The following SPTBN1 variants were observed in gnomAD, a reference collection of about 807,000 sequenced individuals.
SPTBN1 encodes the protein spectrin beta chain, non-erythrocytic 1.
In SPTBN1, 32 loss-of-function variants were observed where a neutral mutation model predicts 266.4. The ratio of observed to expected loss-of-function variants is 0.12; its 90% CI spans 0.09 to 0.16. The LOEUF is 0.16. Among genes scored for constraint, SPTBN1 ranks in the 10% least tolerant of loss-of-function variants. SPTBN1 has a pLI of 1.00. For missense variants in SPTBN1, 2,296 were observed against 3,067.1 expected, an observed-to-expected ratio of 0.75 and a Z score of 5.94; for synonymous variants, 1,336 against 1,162.2, an observed-to-expected ratio of 1.15 and a Z score of -3.04.
rs756549162 is a variant in SPTBN1, at chr2:54,623,574, A to C, written c.1160A>C (p.Lys387Thr). 6.2e-7 allele frequency: 1 copy of C among 1,614,048 alleles called. No homozygotes were observed. Among genetic ancestry groups the C allele is most frequent in the Non-Finnish European group, 8.5e-7 (1 of 1,179,952 alleles). ...NQKVYMPREG[K>T]LISDINKAWE... ...AAGGTCTACATGCCCCGGGAGGGGAAGCTCATCTCTGACATCAACAAGGTA... is the reference window on the plus strand; with the variant it reads ...AAGGTCTACATGCCCCGGGAGGGGACGCTCATCTCTGACATCAACAAGGTA... The change falls in exon 10 of 36, where the codon AAG (lysine) becomes ACG (threonine). Residue 387 changes from lysine (K) to threonine (T), a missense_variant. Physicochemically the swap from Lys to Thr is moderately conservative, Grantham distance 78. Around this residue, in one of 12 missense-constraint regions of SPTBN1, gnomAD observed 148 missense variants for 203.8 expected, o/e 0.73. Transcript: ENST00000356805.
At position 54,641,084 on chromosome 2, in the gene SPTBN1, G is replaced by A. The variant is rs541154848; in HGVS notation, c.3859-1899G>A. ...TCCTTATCTTTTTCCAGTCTGCACAGTGTTCTTTTCTGCAGAGAATGAGTA... is the reference window on the plus strand; with the variant it reads ...TCCTTATCTTTTTCCAGTCTGCACAATGTTCTTTTCTGCAGAGAATGAGTA... On this transcript the variant is annotated intron_variant, in intron 18 of 35. Transcript: ENST00000356805. Among the ~76,000 whole-genome samples, 3 of 152,318 alleles carry A rather than the reference G, an allele frequency of 2.0e-5. No individual in the cohort carries two copies. The East Asian group carries it at 5.8e-4, about 29-fold the overall frequency.
intron 2 of SPTBN1, among the ~76,000 whole-genome samples, chr2:54,556,997 GA>G (rs917673030): frequency 1.3e-5 from 2 of 152,194 alleles, no homozygotes; most frequent in Non-Finnish European, 2.9e-5. Context: ...TCAGCATTGT[GA>G]ATTGGCAGCA....
chr2:54,522,547 C>T (rs941623450), intron 1 of SPTBN1, among the ~76,000 whole-genome samples: 14 of 151,432 alleles, frequency 9.2e-5, no homozygotes, highest in Admixed American at 2.0e-4. Flanking sequence ...AGGAGAATTG[C>T]TTGAACCTGG....
chr2:54,618,017 C>T lies in SPTBN1; in HGVS notation c.648-61C>T. 4 of 1,322,550 alleles carry T rather than the reference C, an allele frequency of 3.0e-6. 1 individual carries two copies. The highest frequency in any genetic ancestry group is 2.5e-5 in the South Asian group (2 of 80,030). The allele number at this position is 1,322,550 out of a possible 1,614,324, so 81.9% of individuals were successfully genotyped here. Reference sequence around the variant, plus strand: ...CCTTTTTGGAGTAACAGTCATGTTTCATTAGTCATATTTCTTTTCAAGCCA... The same window carrying T: ...CCTTTTTGGAGTAACAGTCATGTTTTATTAGTCATATTTCTTTTCAAGCCA... On this transcript the variant is annotated intron_variant, in intron 6 of 35. Transcript: ENST00000356805.
intron 1 of SPTBN1, among the ~76,000 whole-genome samples, chr2:54,499,482 TTTGCGTGTTGA>T (rs2104100037): frequency 6.6e-6 from 1 of 152,330 alleles, no homozygotes; most frequent in Admixed American, 6.5e-5. Context: ...TGACTGGTTG[TTTGCGTGTTGA>T]TTTGCTTTCA....
intron 2 of SPTBN1, among the ~76,000 whole-genome samples, chr2:54,569,936 T>C (rs1474794808): frequency 6.6e-6 from 1 of 151,828 alleles, no homozygotes; most frequent in Non-Finnish European, 1.5e-5. Context: ...GGGAGAGTGT[T>C]TAGTTTGCCT....
chr2:54,457,157 C>A (rs1487352149), intron 1 of SPTBN1: 1 of 130,476 alleles, frequency 7.7e-6, no homozygotes, highest in Non-Finnish European at 1.7e-5. Context: ...GCGCCCGCCC[C>A]CCCCCCGCCC....
Position 54,543,369 on chromosome 2 carries a change from T to G in SPTBN1, c.148+16803T>G, listed in dbSNP as rs548312996. On this transcript the variant is annotated intron_variant, in intron 2 of 35. Transcript: ENST00000356805. ...AAATAAATCTTTTGAAGGGAGGGCT[T>G]CTATTTCCTCCCTGCAAAAAGGCCT... 5.3e-5 allele frequency among the ~76,000 whole-genome samples: 8 copies of G among 152,298 alleles called. No individual in the cohort carries two copies. The South Asian group carries it at 1.7e-3, about 32-fold the overall frequency.
chr2:54,639,963 C>T (rs1679418407), intron 18 of SPTBN1, among the ~76,000 whole-genome samples: 1 of 152,128 alleles, frequency 6.6e-6, no homozygotes, highest in East Asian at 1.9e-4. Flanking sequence ...CCTTGAGCCA[C>T]ATTAGAAGTT....
intron 1 of SPTBN1, among the ~76,000 whole-genome samples, chr2:54,458,034 C>G (rs766689367): frequency 2.0e-5 from 3 of 152,210 alleles, no homozygotes; most frequent in Non-Finnish European, 4.4e-5. Context: ...TGGGGAGTCG[C>G]AGCGTTTTTC....
chr2:54,640,050 T>G (rs933740663), intron 18 of SPTBN1, among the ~76,000 whole-genome samples: 5 of 152,156 alleles, frequency 3.3e-5, no homozygotes, highest in Non-Finnish European at 7.3e-5. Context: ...TTGGTGGAAT[T>G]TAGGTCAAGC....
chr2:54,493,433 C>CT (rs1219578426), intron 1 of SPTBN1, among the ~76,000 whole-genome samples: 1 of 148,638 alleles, frequency 6.7e-6, no homozygotes, highest in Non-Finnish European at 1.5e-5. Context: ...GGGAGACAGT[C>CT]TAACTCTTGT....
chr2:54,519,061 C>T (rs1472116296), intron 1 of SPTBN1, among the ~76,000 whole-genome samples: 3 of 152,198 alleles, frequency 2.0e-5, no homozygotes, highest in Admixed American at 6.5e-5. Flanking sequence ...CCAGATCTAT[C>T]TAAATCAGAG....
At chr2:54,606,846 G>A (rs2103753062) in intron 3 of SPTBN1, among the ~76,000 whole-genome samples, 2 of 152,324 alleles carry the variant, frequency 1.3e-5, no homozygotes, top group East Asian at 1.9e-4. Context: ...GCTGACGGGT[G>A]TACCGTGGAG....
At chr2:54,610,342 T>C (rs1224284155) in intron 3 of SPTBN1, among the ~76,000 whole-genome samples, 2 of 152,222 alleles carry the variant, frequency 1.3e-5, no homozygotes, top group African/African-American at 2.4e-5. Flanking sequence ...TGACTTCATT[T>C]TTTCTCAAAT....
In SPTBN1 at chr2:54,646,220, C is replaced by T. The variant is rs755495573; in HGVS notation, c.4611C>T (p.His1537=). Residue 1537 remains histidine (H), a synonymous_variant, in exon 23 of 36, where the codon CAC becomes CAT. Transcript: ENST00000356805. The surrounding 1 kb of genome is among the most constrained non-coding windows in gnomAD (Gnocchi z 4.4). ...CCCTCCAGAAAGAAATCCAGGGGCA[C>T]CAGCCTCGCATTGACGACATCTTTG... is the stretch of plus-strand genomic sequence containing the variant. The part of the protein sequence containing the change: ...NQTLQKEIQG[H]QPRIDDIFER... 1 of 1,611,658 alleles carries T rather than the reference C, an allele frequency of 6.2e-7. No homozygotes were observed. Among genetic ancestry groups the T allele is most frequent in the South Asian group, 1.1e-5 (1 of 90,866 alleles).
At chr2:54,630,742 A>G (rs1399791546) in intron 15 of SPTBN1, 113 bp from the exon 16 acceptor site, 1 of 1,319,714 alleles carries the variant, frequency 7.6e-7, no homozygotes, top group African/African-American at 1.5e-5. Context: ...ATGTAGTCAA[A>G]GCACAGATGG....
intron 2 of SPTBN1, among the ~76,000 whole-genome samples, chr2:54,598,883 C>T (rs548906904): frequency 1.3e-5 from 2 of 152,160 alleles, no homozygotes; most frequent in East Asian, 3.9e-4. Flanking sequence ...GTAAACCCAT[C>T]GTAAAGTCAA....
intron 1 of SPTBN1, among the ~76,000 whole-genome samples, chr2:54,484,559 G>C (rs1668256558): frequency 6.6e-6 from 1 of 152,208 alleles, no homozygotes; most frequent in Non-Finnish European, 1.5e-5. Context: ...AATGCTAAGA[G>C]GAATAATAGG....
Sources: gnomAD v4.1 joint callset for allele counts (sites outside exome capture counted in the v4.1 genomes callset) on GRCh38, gnomAD v4.1.1 for gene constraint, gnomAD v4.1.1 regional missense constraint, Gnocchi (gnomAD v3.1) non-coding constraint, MANE v1.5 for transcripts, NCBI Gene and HGNC (gene_info 2026-07-23, HGNC 2026-07-21) for gene names.